The following CNTNAP4 variants were observed in gnomAD, a reference collection of about 807,000 sequenced individuals.
CNTNAP4 encodes contactin associated protein family member 4, also known as contactin-associated protein-like 4.
Under a neutral mutation model 148.4 loss-of-function variants are expected in CNTNAP4, and 98 were observed. The ratio of observed to expected loss-of-function variants is 0.66; its 90% CI spans 0.56 to 0.78. The LOEUF is 0.78. Among genes scored for constraint, CNTNAP4 ranks in the 30% least tolerant of loss-of-function variants. The probability of loss-of-function intolerance (pLI) is 0.00; values close to 1 mark genes in which losing one functional copy is unlikely to be tolerated. For synonymous variants in CNTNAP4, 730 were observed against 565.1 expected (o/e 1.29, Z -4.14); for missense variants, 1,935 against 1,565.6 (o/e 1.24, Z -3.98).
intron 4 of CNTNAP4, among the ~76,000 whole-genome samples, chr16:76,436,234 G>A (rs28872013): frequency 0.024 from 3,599 of 152,152 alleles, 91 homozygotes; most frequent in African/African-American, 0.072. Context: ...GGTCAGGGAG[G>A]GGATGATGCC....
At chr16:76,501,621 A>T (rs1170477988) in intron 15 of CNTNAP4, among the ~76,000 whole-genome samples, 1 of 151,962 alleles carries the variant, frequency 6.6e-6, no homozygotes, top group Non-Finnish European at 1.5e-5. Flanking sequence ...GTAGTGGGAG[A>T]GGTCAGGTTT....
At chr16:76,532,258 G>A (rs986976254) in intron 17 of CNTNAP4, among the ~76,000 whole-genome samples, 7 of 152,178 alleles carry the variant, frequency 4.6e-5, no homozygotes, top group Non-Finnish European at 7.4e-5. Context: ...GGTGTGAAGT[G>A]CAAAGAAACT....
intron 1 of CNTNAP4, among the ~76,000 whole-genome samples, chr16:76,314,952 A>C (rs553866305): frequency 1.3e-5 from 2 of 152,182 alleles, no homozygotes; most frequent in Admixed American, 6.5e-5. Flanking sequence ...CCTAAACAAC[A>C]TACAGTATTA....
At chr16:76,504,303 G>A (rs567956853) in intron 15 of CNTNAP4, among the ~76,000 whole-genome samples, 3 of 152,086 alleles carry the variant, frequency 2.0e-5, no homozygotes, top group East Asian at 3.9e-4. Context: ...ATGTATACAT[G>A]GTTGCTTGAC....
chr16:76,283,192 C>G (rs1958754413), intron 1 of CNTNAP4, among the ~76,000 whole-genome samples: 1 of 151,866 alleles, frequency 6.6e-6, no homozygotes, highest in Admixed American at 6.6e-5. Context: ...TCTACAAATA[C>G]CGATTTTTCT....
At chr16:76,474,970 C>A (rs903607813) in intron 10 of CNTNAP4, among the ~76,000 whole-genome samples, 10 of 152,110 alleles carry the variant, frequency 6.6e-5, no homozygotes, top group Admixed American at 1.3e-4. Flanking sequence ...ACCTGTTGAA[C>A]ACGGCACCGT....
rs141549643 is a variant in CNTNAP4, at chr16:76,423,733, G to A, written c.391-3719G>A. Among the ~76,000 whole-genome samples, 378 of 152,212 alleles carry A rather than the reference G, an allele frequency of 2.5e-3. 8 individuals are homozygous for A. Among genetic ancestry groups the A allele is most frequent in the Admixed American group, 0.022 (339 of 15,280 alleles). On this transcript the variant is annotated intron_variant, in intron 3 of 23. Transcript: ENST00000611870. ...AAATCCAAAGCAGAATCTTGGTTATGTATGAAAAAATTTCAACAAGTGGAG... is the reference window on the plus strand; with the variant it reads ...AAATCCAAAGCAGAATCTTGGTTATATATGAAAAAATTTCAACAAGTGGAG...
chr16:76,497,853 A>C (rs1326813097), intron 14 of CNTNAP4, among the ~76,000 whole-genome samples: 4 of 152,118 alleles, frequency 2.6e-5, no homozygotes, highest in Non-Finnish European at 5.9e-5. Context: ...AAAATAAAAT[A>C]AAATGCTACA....
chr16:76,422,460 C>T (rs191545093), intron 3 of CNTNAP4, among the ~76,000 whole-genome samples: 14 of 152,196 alleles, frequency 9.2e-5, no homozygotes, highest in Admixed American at 9.2e-4. Flanking sequence ...CCCAGTTCAA[C>T]AATAACCTAA....
chr16:76,476,293 C>T (rs1007111473), intron 11 of CNTNAP4, among the ~76,000 whole-genome samples: 6 of 152,142 alleles, frequency 3.9e-5, no homozygotes, highest in Admixed American at 6.5e-5. Context: ...AAATGCAGAA[C>T]GTGAATTTTG....
At chr16:76,535,177 G>A (rs1039182502) in intron 17 of CNTNAP4, among the ~76,000 whole-genome samples, 1 of 152,034 alleles carries the variant, frequency 6.6e-6, no homozygotes, top group African/African-American at 2.4e-5. Context: ...AAATATGAAG[G>A]ACAAACCACA....
chr16:76,303,480 C>G lies in CNTNAP4; in HGVS notation c.86-12933C>G, dbSNP rs143573742. ...TTCCCTCCAGGAATCAAAGTCAAAA[C>G]CATGGCAATTTCAGGTTGAAAATAT... On this transcript the variant is annotated intron_variant, in intron 1 of 23. Coordinates refer to ENST00000611870, the MANE Select transcript of CNTNAP4 (RefSeq NM_033401.5). Among the ~76,000 whole-genome samples, 69 of 152,166 alleles carry G rather than the reference C, an allele frequency of 4.5e-4. 1 individual carries two copies. The highest frequency in any genetic ancestry group is 1.6e-3 in the African/African-American group (66 of 41,486).
intron 12 of CNTNAP4, among the ~76,000 whole-genome samples, chr16:76,482,916 T>C (rs887231841): frequency 2.0e-5 from 3 of 152,204 alleles, no homozygotes; most frequent in Non-Finnish European, 4.4e-5. Context: ...CAAACTTCAG[T>C]ATGCACTGGC....
intron 3 of CNTNAP4, among the ~76,000 whole-genome samples, chr16:76,380,416 C>T (rs188389975): frequency 7.2e-5 from 11 of 152,248 alleles, no homozygotes; most frequent in Admixed American, 2.6e-4. Context: ...ATTAAGTTCC[C>T]AATGCTTTCC....
At chr16:76,403,328 C>T (rs910587402) in intron 3 of CNTNAP4, among the ~76,000 whole-genome samples, 5 of 152,016 alleles carry the variant, frequency 3.3e-5, no homozygotes, top group African/African-American at 1.2e-4. Context: ...CTCCTGACCT[C>T]GTGATCCACC....
chr16:76,320,954 T>A (rs1962343452), intron 2 of CNTNAP4, among the ~76,000 whole-genome samples: 2 of 152,176 alleles, frequency 1.3e-5, no homozygotes, highest in African/African-American at 2.4e-5. Flanking sequence ...CCTCTTTAAG[T>A]ATATAAAAGA....
At chr16:76,283,412 G>C (rs1252785578) in intron 1 of CNTNAP4, among the ~76,000 whole-genome samples, 1 of 151,878 alleles carries the variant, frequency 6.6e-6, no homozygotes, top group African/African-American at 2.4e-5. Flanking sequence ...ATCAACCTAA[G>C]TGCCCATTAG....
At chr16:76,415,224 C>T (rs541267197) in intron 3 of CNTNAP4, among the ~76,000 whole-genome samples, 24 of 151,124 alleles carry the variant, frequency 1.6e-4, no homozygotes, top group African/African-American at 5.3e-4. Context: ...TACATATGAC[C>T]ACTGTTTCCT....
chr16:76,556,123 AT>A (rs201194518), intron 23 of CNTNAP4, among the ~76,000 whole-genome samples: 26 of 151,428 alleles, frequency 1.7e-4, no homozygotes, highest in East Asian at 7.8e-4. Flanking sequence ...ATCTTAGATG[AT>A]TTTTTTTTAC....
Sources: allele counts gnomAD v4.1 joint callset (sites outside exome capture counted in the v4.1 genomes callset), GRCh38; gene constraint gnomAD v4.1.1; transcripts MANE v1.5; gene names NCBI Gene and HGNC (gene_info 2026-07-23, HGNC 2026-07-21).